Variants in DIDO1 observed in about 807,000 individuals in gnomAD.
The protein encoded by DIDO1 is death-inducer obliterator 1.
Under a neutral mutation model 99.4 loss-of-function variants are expected in DIDO1, and 16 were observed. The ratio of observed to expected loss-of-function variants is 0.16; its 90% CI spans 0.11 to 0.24. DIDO1 has a LOEUF of 0.24. DIDO1 is among the 10% of genes least tolerant of loss of function. The pLI is 1.00. For missense variants in DIDO1, 2,996 were observed against 3,014.0 expected (o/e 0.99, Z 0.14); for synonymous variants, 1,366 against 1,239.1 (o/e 1.10, Z -2.15).
At chr20:62,891,780 C>G (rs1425912719) in intron 14 of DIDO1, among the ~76,000 whole-genome samples, 1 of 150,480 alleles carries the variant, frequency 6.6e-6, no homozygotes, top group Admixed American at 6.6e-5. Context: ...TTTTTTGAGA[C>G]AGTCTTGCTA....
At position 62,905,878 on chromosome 20, in the gene DIDO1, G is replaced by A. The variant is rs1408044585; in HGVS notation, c.1588+9C>T. On this transcript the variant is annotated intron_variant, in intron 6 of 15. Coordinates refer to ENST00000395343, the MANE Select transcript of DIDO1 (RefSeq NM_001193369.2). Reference sequence around the variant, plus strand: ...GGGTCCAGGAGGCCAACCCCTAGGTGATACATACATTTATACAACAGTGAC... The same window carrying A: ...GGGTCCAGGAGGCCAACCCCTAGGTAATACATACATTTATACAACAGTGAC... The A allele has an allele frequency of 6.2e-7, 1 of 1,614,044 alleles. No homozygotes were observed. The highest frequency in any genetic ancestry group is 1.3e-5 in the African/African-American group (1 of 74,914).
upstream of DIDO1, among the ~76,000 whole-genome samples, chr20:62,927,042 T>C (rs1170143930): frequency 7.6e-6 from 1 of 131,110 alleles, no homozygotes; most frequent in Non-Finnish European, 1.6e-5. Flanking sequence ...GCGGGGTTTC[T>C]CTCCAACTTG....
intron 1 of DIDO1, among the ~76,000 whole-genome samples, chr20:62,917,621 T>C (rs939877986): frequency 1.3e-5 from 2 of 152,180 alleles, no homozygotes; most frequent in African/African-American, 4.8e-5. Flanking sequence ...GCGTGGACAG[T>C]ACCACGTGGG....
At chr20:62,882,915 CTTTTTTTTTTTTT>C (rs10583836) in intron 15 of DIDO1, among the ~76,000 whole-genome samples, 1 of 81,382 alleles carries the variant, frequency 1.2e-5, no homozygotes, top group East Asian at 3.9e-4. Context: ...AACAAACAGC[CTTTTTTTTTTTTT>C]TTTTTTTTTT....
At chr20:62,908,813 T>C (rs1270347461) in intron 4 of DIDO1, among the ~76,000 whole-genome samples, 1 of 152,186 alleles carries the variant, frequency 6.6e-6, no homozygotes. Context: ...GAGCTGGGAC[T>C]GTGCCACCGA....
chr20:62,924,115 T>C (rs2065208712), intron 1 of DIDO1, among the ~76,000 whole-genome samples: 1 of 152,218 alleles, frequency 6.6e-6, no homozygotes, highest in Admixed American at 6.5e-5. Flanking sequence ...CCATTAACTG[T>C]TAATTATAGA....
In DIDO1 at chr20:62,880,237, G is replaced by A; in HGVS notation, c.5719C>T (p.Pro1907Ser). 1.2e-6 allele frequency: 2 copies of A among 1,612,448 alleles called. No individual in the cohort carries two copies. The highest frequency in any genetic ancestry group is 1.1e-5 in the South Asian group (1 of 91,092). Residue 1907 changes from proline (P) to serine (S), a missense_variant, in exon 16 of 16, where the codon CCC becomes TCC. Transcript: ENST00000395343. ...LSQLKGPRGG[P>S]PPSQFGGQRG... is the part of the protein sequence containing the mutation. The stretch of plus-strand genomic sequence containing the variant: ...TGACCTCCAAACTGAGAGGGAGGGG[G>A]GCCGCCTCGGGGGCCTTTCAGCTGA...
At chr20:62,910,301 C>T (rs1418401466) in intron 3 of DIDO1, among the ~76,000 whole-genome samples, 1 of 152,334 alleles carries the variant, frequency 6.6e-6, no homozygotes, top group Admixed American at 6.5e-5. Flanking sequence ...TTTATCCCAG[C>T]GCCAAGCCAA....
At chr20:62,932,002 T>G (rs185307914) in intron 1 of DIDO1, among the ~76,000 whole-genome samples, 221 of 151,998 alleles carry the variant, frequency 1.5e-3, no homozygotes, top group African/African-American at 4.9e-3. Flanking sequence ...CAACAAAGAC[T>G]GAGGTATTAG....
At chr20:62,900,849 C>T (rs1208546483) in intron 6 of DIDO1, among the ~76,000 whole-genome samples, 2 of 152,204 alleles carry the variant, frequency 1.3e-5, no homozygotes, top group Non-Finnish European at 2.9e-5. Context: ...TGTTTCTATG[C>T]TATGCACCTG....
At chr20:62,934,136 T>C (rs916454144) in intron 1 of DIDO1, among the ~76,000 whole-genome samples, 4 of 152,198 alleles carry the variant, frequency 2.6e-5, no homozygotes, top group African/African-American at 9.7e-5. Flanking sequence ...CCAACCCGTG[T>C]GGCCCTGCAC....
chr20:62,910,090 A>G, intron 3 of DIDO1, 70 bp from the exon 4 acceptor site: 1 of 1,488,784 alleles, frequency 6.7e-7, no homozygotes, highest in Non-Finnish European at 9.1e-7. Context: ...CATTAATAAG[A>G]CAATTGGTTT....
chr20:62,930,182 G>C (rs1247424372), upstream of DIDO1, among the ~76,000 whole-genome samples: 1 of 151,718 alleles, frequency 6.6e-6, no homozygotes, highest in Non-Finnish European at 1.5e-5. Context: ...TCCAGCCTGG[G>C]TGACAGCGAG....
Position 62,909,683 on chromosome 20 carries a change from G to A in DIDO1, c.1161+16C>T, listed in dbSNP as rs753198948. On this transcript the variant is annotated intron_variant, in intron 4 of 15. Transcript: ENST00000395343. ...GGCCGACTGCTGAATGCTCGTCTCA[G>A]CGGACAAACACTTACAGGCTGGAAG... The A allele has an allele frequency of 1.2e-6, 2 of 1,610,558 alleles. No homozygotes were observed. Among genetic ancestry groups the A allele is most frequent in the Non-Finnish European group, 1.7e-6 (2 of 1,177,228 alleles).
chr20:62,892,991 C>A, intron 12 of DIDO1, 29 bp from the exon 13 acceptor site: 1 of 1,586,126 alleles, frequency 6.3e-7, no homozygotes, highest in South Asian at 1.1e-5. Context: ...AAAAAAAAGT[C>A]AATGTCTCTC....
rs376013068 is a variant in DIDO1 at position 62,880,310 on chromosome 20, T to A, written c.5646A>T (p.Arg1882Ser). The A allele has an allele frequency of 6.2e-7, 1 of 1,612,804 alleles. No homozygotes were observed. The highest frequency in any genetic ancestry group is 1.3e-5 in the African/African-American group (1 of 75,080). ...GTEQAPFLGSRGGAPFQFGGQ... is the reference protein window; with the variant it reads ...GTEQAPFLGSSGGAPFQFGGQ... ...CTCCGAACTGGAAAGGCGCGCCGCC[T>A]CTGCTTCCCAGAAATGGGGCTTGCT... Residue 1882 changes from arginine to serine, a missense_variant, in exon 16 of 16, where the codon AGA becomes AGT. Coordinates refer to ENST00000395343, the MANE Select transcript of DIDO1 (RefSeq NM_001193369.2).
intron 1 of DIDO1, 149 bp downstream of exon 1, chr20:62,926,290 G>A (rs1460192485): frequency 6.6e-6 from 1 of 151,534 alleles, no homozygotes; most frequent in Non-Finnish European, 1.5e-5. Flanking sequence ...TCCCTTCCGC[G>A]GCCGCCATCT....
chr20:62,935,189 C>T (rs11906606), intron 1 of DIDO1, among the ~76,000 whole-genome samples: 1 of 152,176 alleles, frequency 6.6e-6, no homozygotes, highest in Non-Finnish European at 1.5e-5. Flanking sequence ...CTCTGGTCTT[C>T]CTTCTTAGCT....
intron 1 of DIDO1, among the ~76,000 whole-genome samples, chr20:62,922,701 T>C (rs1235691712): frequency 6.6e-6 from 1 of 152,166 alleles, no homozygotes; most frequent in African/African-American, 2.4e-5. Flanking sequence ...AGACGGTAGG[T>C]GCCACCTAAG....
Sources: gnomAD v4.1 joint callset for allele counts (sites outside exome capture counted in the v4.1 genomes callset) on GRCh38, gnomAD v4.1.1 for gene constraint, MANE v1.5 for transcripts, NCBI Gene and HGNC (gene_info 2026-07-23, HGNC 2026-07-21) for gene names.